PIP5K1B: variants seen among roughly 807,000 people sequenced by gnomAD.
PIP5K1B encodes phosphatidylinositol-4-phosphate 5-kinase type 1 beta.
PIP5K1B carries 42 observed loss-of-function variants against 67.0 expected under a neutral mutation model. That is an observed-to-expected ratio of 0.63 (90% CI 0.49 to 0.81). The LOEUF (loss-of-function observed/expected upper bound fraction) is 0.81. Ranked by LOEUF, PIP5K1B falls within the 30% of genes least tolerant of loss-of-function variation. The probability of loss-of-function intolerance (pLI) is 0.00; values close to 1 mark genes in which losing one functional copy is unlikely to be tolerated. For synonymous variants in PIP5K1B, 214 were observed against 231.4 expected, an observed-to-expected ratio of 0.92 and a Z score of 0.68; for missense variants, 459 against 646.3, an observed-to-expected ratio of 0.71 and a Z score of 3.14.
At position 68,863,416 on chromosome 9, in the gene PIP5K1B, TACAC is replaced by T. The variant is rs544455158; in HGVS notation, c.70-412_70-409del. On this transcript the variant is annotated intron_variant, in intron 4 of 15. Transcript: ENST00000265382. ...ATGTGTATACTCATACACACACACA[TACAC>T]ACACACACGCACACACACACGTATA... Among the ~76,000 whole-genome samples, 112 of 151,852 alleles carry T rather than the reference TACAC, an allele frequency of 7.4e-4. 1 individual carries two copies. The highest frequency in any genetic ancestry group is 2.5e-3 in the African/African-American group (104 of 41,420).
chr9:68,885,615 T>G (rs943650768), intron 6 of PIP5K1B, among the ~76,000 whole-genome samples: 1 of 151,094 alleles, frequency 6.6e-6, no homozygotes, highest in African/African-American at 2.4e-5. Context: ...TTCTCACTTC[T>G]AAGTGGGAGC....
At chr9:69,003,676 G>T (rs1042720028) in intron 15 of PIP5K1B, among the ~76,000 whole-genome samples, 4 of 152,160 alleles carry the variant, frequency 2.6e-5, no homozygotes, top group African/African-American at 9.7e-5. Flanking sequence ...GTTGATGGGG[G>T]CAAGGGTGTC....
At chr9:68,804,062 G>A (rs1348194787) in intron 2 of PIP5K1B, among the ~76,000 whole-genome samples, 1 of 152,150 alleles carries the variant, frequency 6.6e-6, no homozygotes, top group Non-Finnish European at 1.5e-5. Context: ...GTGGAGGGGT[G>A]GGGGTGAAGA....
At chr9:68,716,595 A>G (rs1827645923) in intron 1 of PIP5K1B, among the ~76,000 whole-genome samples, 1 of 152,208 alleles carries the variant, frequency 6.6e-6, no homozygotes, top group Non-Finnish European at 1.5e-5. Context: ...TAGGCTGGCA[A>G]GGTTCAGAGA....
intron 13 of PIP5K1B, among the ~76,000 whole-genome samples, chr9:68,936,374 GT>G (rs10629225): frequency 1.5e-3 from 225 of 150,440 alleles, no homozygotes; most frequent in African/African-American, 4.9e-3. Context: ...TTTGCTAAAA[GT>G]TTTTTTTTTA....
At chr9:68,970,010 CCTTA>C (rs776556046) in intron 14 of PIP5K1B, among the ~76,000 whole-genome samples, 1 of 151,914 alleles carries the variant, frequency 6.6e-6, no homozygotes, top group Admixed American at 6.6e-5. Flanking sequence ...AAAAAATAGC[CCTTA>C]CTTACCCCAA....
intron 2 of PIP5K1B, among the ~76,000 whole-genome samples, chr9:68,777,533 A>T (rs1210221056): frequency 6.6e-6 from 1 of 152,192 alleles, no homozygotes; most frequent in Non-Finnish European, 1.5e-5. Context: ...TTGTGCCAGG[A>T]CCTGAAAGCA....
At chr9:68,733,534 A>G (rs1828557165) in intron 1 of PIP5K1B, among the ~76,000 whole-genome samples, 1 of 151,836 alleles carries the variant, frequency 6.6e-6, no homozygotes, top group African/African-American at 2.4e-5. Context: ...GGGGAGAACA[A>G]TTGAATAAAA....
chr9:68,842,410 G>C (rs913138712), intron 4 of PIP5K1B, among the ~76,000 whole-genome samples: 1 of 152,174 alleles, frequency 6.6e-6, no homozygotes, highest in Non-Finnish European at 1.5e-5. Flanking sequence ...CAAGTGTTTT[G>C]CACTTGGCTT....
chr9:68,841,796 G>T (rs1256874160), intron 4 of PIP5K1B, among the ~76,000 whole-genome samples: 1 of 152,222 alleles, frequency 6.6e-6, no homozygotes, highest in Non-Finnish European at 1.5e-5. Context: ...TAGCAGAAAT[G>T]ATTAATTTAG....
intron 1 of PIP5K1B, among the ~76,000 whole-genome samples, chr9:68,741,164 A>G (rs1828986902): frequency 1.3e-5 from 2 of 152,228 alleles, no homozygotes; most frequent in African/African-American, 4.8e-5. Context: ...CTGAGCAGAT[A>G]TATCTAAGAA....
intron 1 of PIP5K1B, among the ~76,000 whole-genome samples, chr9:68,707,280 G>C (rs1827169376): frequency 6.6e-6 from 1 of 152,172 alleles, no homozygotes; most frequent in South Asian, 2.1e-4. Flanking sequence ...TAAGACTAGA[G>C]AGATTTAATA....
intron 2 of PIP5K1B, among the ~76,000 whole-genome samples, chr9:68,801,801 GTT>G (rs1223794183): frequency 6.6e-6 from 1 of 152,186 alleles, no homozygotes; most frequent in Non-Finnish European, 1.5e-5. Flanking sequence ...GACTCTCCTT[GTT>G]TTGTCTTTTG....
intron 6 of PIP5K1B, among the ~76,000 whole-genome samples, chr9:68,880,074 CA>C (rs139934151): frequency 0.016 from 2,500 of 152,052 alleles, 56 homozygotes; most frequent in East Asian, 0.11. Context: ...TGCCCCCCTA[CA>C]AAAAGAAAAA....
intron 2 of PIP5K1B, among the ~76,000 whole-genome samples, chr9:68,778,903 C>T (rs945247844): frequency 1.3e-5 from 2 of 152,158 alleles, no homozygotes; most frequent in African/African-American, 2.4e-5. Context: ...GCTTGGAATA[C>T]TCATTCCCCA....
chr9:68,767,072 C>A (rs1196103279), intron 2 of PIP5K1B, among the ~76,000 whole-genome samples: 2 of 152,150 alleles, frequency 1.3e-5, no homozygotes, highest in African/African-American at 4.8e-5. Context: ...TTGAGAGAAC[C>A]AGTATAAACT....
intron 4 of PIP5K1B, among the ~76,000 whole-genome samples, chr9:68,845,289 C>T (rs1007546658): frequency 6.6e-6 from 1 of 152,146 alleles, no homozygotes; most frequent in East Asian, 1.9e-4. Context: ...AAATCAGGAC[C>T]ACAGTCATTG....
At chr9:68,883,968 G>C (rs1824328088) in intron 6 of PIP5K1B, among the ~76,000 whole-genome samples, 1 of 152,076 alleles carries the variant, frequency 6.6e-6, no homozygotes, top group South Asian at 2.1e-4. Flanking sequence ...AATGAAATTG[G>C]ACCCTTACCT....
At position 68,790,594 on chromosome 9, in the gene PIP5K1B, G is replaced by GCA. The variant is rs556737462; in HGVS notation, c.-85-27866_-85-27865insAC. Among the ~76,000 whole-genome samples the GCA allele has an allele frequency of 4.2e-3, 582 of 139,244 alleles. 5 individuals are homozygous for GCA. Among genetic ancestry groups the GCA allele is most frequent in the African/African-American group, 0.014 (566 of 39,662 alleles). The allele number at this position is 139,244 out of a possible 152,430, so 91.3% of individuals were successfully genotyped here. On this transcript the variant is annotated intron_variant, in intron 2 of 15. Coordinates refer to ENST00000265382, the MANE Select transcript of PIP5K1B (RefSeq NM_003558.4). ...TATGTACACCCAAACGCACATGAGC[G>GCA]CGCACACACACACACATACACACAC...
Sources: gnomAD v4.1 joint callset for allele counts (sites outside exome capture counted in the v4.1 genomes callset) on GRCh38, gnomAD v4.1.1 for gene constraint, MANE v1.5 for transcripts, NCBI Gene and HGNC (gene_info 2026-07-23, HGNC 2026-07-21) for gene names.